The following AIG1 variants were observed in gnomAD, a reference collection of about 807,000 sequenced individuals.
AIG1 encodes the protein androgen induced 1.
AIG1 carries 23 observed loss-of-function variants against 31.4 expected under a neutral mutation model. That is an observed-to-expected ratio of 0.73 (90% confidence interval 0.53 to 1.04). The LOEUF (loss-of-function observed/expected upper bound fraction) is 1.04, where lower values mean the gene tolerates loss of function less well. AIG1 is among the 50% of genes least tolerant of loss of function. AIG1 has a pLI of 0.00. For missense variants in AIG1, 274 were observed against 295.0 expected, an observed-to-expected ratio of 0.93 and a Z score of 0.52; for synonymous variants, 100 against 110.5, an observed-to-expected ratio of 0.90 and a Z score of 0.60.
chr6:143,244,727 T>G (rs1253571759), intron 3 of AIG1, among the ~76,000 whole-genome samples: 1 of 152,230 alleles, frequency 6.6e-6, no homozygotes, highest in Non-Finnish European at 1.5e-5. Flanking sequence ...TGCAGGCTCT[T>G]TAGAGAAATC....
chr6:143,152,169 A>G (rs1376481144), intron 2 of AIG1, among the ~76,000 whole-genome samples: 1 of 152,206 alleles, frequency 6.6e-6, no homozygotes, highest in Admixed American at 6.5e-5. Context: ...GCATTGACAC[A>G]TAGTCATCTA....
At chr6:143,169,507 A>C (rs1169372015) in intron 3 of AIG1, among the ~76,000 whole-genome samples, 1 of 152,102 alleles carries the variant, frequency 6.6e-6, no homozygotes, top group African/African-American at 2.4e-5. Flanking sequence ...TTGTTAACCT[A>C]TATTCATTCT....
chr6:143,127,535 A>C (rs1340035209), intron 1 of AIG1, among the ~76,000 whole-genome samples: 1 of 152,218 alleles, frequency 6.6e-6, no homozygotes, highest in Non-Finnish European at 1.5e-5. Flanking sequence ...GCCTTTTAAA[A>C]TTCATACAAA....
At chr6:143,148,385 T>A (rs35478329) in intron 2 of AIG1, among the ~76,000 whole-genome samples, 27,736 of 149,738 alleles carry the variant, frequency 0.19, 3,802 homozygotes, top group East Asian at 0.75. Flanking sequence ...GGCACACGCC[T>A]GTAGTCCCAG....
At chr6:143,193,923 G>A (rs894801756) in intron 3 of AIG1, among the ~76,000 whole-genome samples, 1 of 152,152 alleles carries the variant, frequency 6.6e-6, no homozygotes, top group Non-Finnish European at 1.5e-5. Flanking sequence ...TTCTCCTGAT[G>A]ATTCAGCAAG....
chr6:143,283,570 G>A (rs1178124522), intron 3 of AIG1, among the ~76,000 whole-genome samples: 1 of 152,194 alleles, frequency 6.6e-6, no homozygotes, highest in Non-Finnish European at 1.5e-5. Context: ...TGATATCCAA[G>A]AACAAGAATT....
chr6:143,121,256 C>T (rs543837850), intron 1 of AIG1, among the ~76,000 whole-genome samples: 23 of 152,264 alleles, frequency 1.5e-4, no homozygotes, highest in Admixed American at 1.2e-3. Flanking sequence ...AGGGTCTTCC[C>T]GACCAAGCTG....
chr6:143,202,494 A>T (rs928866015), intron 3 of AIG1, among the ~76,000 whole-genome samples: 1 of 152,226 alleles, frequency 6.6e-6, no homozygotes, highest in Non-Finnish European at 1.5e-5. Context: ...AACTTAAAAA[A>T]ATTCTTTAAT....
intron 3 of AIG1, among the ~76,000 whole-genome samples, chr6:143,277,817 G>C (rs1583709089): frequency 6.6e-6 from 1 of 152,176 alleles, no homozygotes; most frequent in African/African-American, 2.4e-5. Flanking sequence ...ATTTTGGAGA[G>C]AAGGAGAAAG....
At chr6:143,102,454 G>A (rs1292719511) in intron 1 of AIG1, among the ~76,000 whole-genome samples, 2 of 143,324 alleles carry the variant, frequency 1.4e-5, no homozygotes, top group African/African-American at 5.1e-5. Context: ...GGGCCTCTTA[G>A]GATATATATA....
rs9390058 is a variant in AIG1, at chr6:143,135,269, T to G, written c.142-1566T>G. Among the ~76,000 whole-genome samples the G allele has an allele frequency of 2.9e-3, 447 of 152,214 alleles. 13 individuals carry two copies. In the East Asian group the frequency reaches 0.053, roughly 18 times the overall value. ...AATAATGAAGATTATTCTCCTCTGG[T>G]AGGGTCACTCCAGTTTAATCAAACT... On this transcript the variant is annotated intron_variant, in intron 1 of 5. Coordinates refer to ENST00000357847, the MANE Select transcript of AIG1 (RefSeq NM_016108.4).
intron 4 of AIG1, among the ~76,000 whole-genome samples, chr6:143,294,485 G>A (rs1798285174): frequency 2.0e-5 from 3 of 152,134 alleles, no homozygotes; most frequent in Admixed American, 2.0e-4. Flanking sequence ...ACCTCTCTGT[G>A]CCTTGGTTTT....
intron 3 of AIG1, among the ~76,000 whole-genome samples, chr6:143,197,612 T>G (rs1790357042): frequency 3.9e-5 from 6 of 152,188 alleles, no homozygotes; most frequent in Admixed American, 3.9e-4. Flanking sequence ...CAATGGAATG[T>G]GAGTGGACAT....
chr6:143,312,706 T>C (rs1041546164), intron 4 of AIG1, among the ~76,000 whole-genome samples: 1 of 151,840 alleles, frequency 6.6e-6, no homozygotes, highest in African/African-American at 2.4e-5. Flanking sequence ...AATGGACACA[T>C]AGGATCACAT....
rs568273688 is a variant in AIG1, at chr6:143,152,582, A to G, written c.298-12500A>G. Among the ~76,000 whole-genome samples the G allele has an allele frequency of 1.9e-3, 288 of 152,308 alleles. 3 individuals are homozygous for G. The highest frequency in any genetic ancestry group is 6.5e-3 in the African/African-American group (271 of 41,566). On this transcript the variant is annotated intron_variant, in intron 2 of 5. Transcript: ENST00000357847. The stretch of plus-strand genomic sequence containing the variant: ...TTATTGTCACTTGACAGAGCGTGAA[A>G]GAAGCCTTGCTTTGTTTGTTTGGAG...
chr6:143,157,270 G>A (rs995532626), intron 2 of AIG1, among the ~76,000 whole-genome samples: 31 of 152,148 alleles, frequency 2.0e-4, no homozygotes, highest in African/African-American at 7.2e-4. Flanking sequence ...GGCCCTCTGC[G>A]GGCCAGGCTC....
intron 2 of AIG1, among the ~76,000 whole-genome samples, chr6:143,153,269 C>T (rs181349522): frequency 8.5e-5 from 13 of 152,340 alleles, no homozygotes; most frequent in Admixed American, 2.0e-4. Flanking sequence ...ACTTCTCTTT[C>T]TTATGGATAT....
At chr6:143,135,911 C>G (rs548655633) in intron 1 of AIG1, among the ~76,000 whole-genome samples, 1 of 152,108 alleles carries the variant, frequency 6.6e-6, no homozygotes, top group Non-Finnish European at 1.5e-5. Context: ...TGAATCTATC[C>G]TTGGTGCTAA....
At chr6:143,113,706 G>T (rs1268891788) in intron 1 of AIG1, among the ~76,000 whole-genome samples, 1 of 152,134 alleles carries the variant, frequency 6.6e-6, no homozygotes, top group Non-Finnish European at 1.5e-5. Context: ...TTTAGGTTTG[G>T]TGAGTTTTCT....
Sources: allele counts gnomAD v4.1 joint callset (sites outside exome capture counted in the v4.1 genomes callset), GRCh38; gene constraint gnomAD v4.1.1; transcripts MANE v1.5; gene names NCBI Gene and HGNC (gene_info 2026-07-23, HGNC 2026-07-21).